FOCAD: variants seen among roughly 807,000 people sequenced by gnomAD.
The protein encoded by FOCAD is KIAA1797.
FOCAD carries 198 observed loss-of-function variants against 225.6 expected under a neutral mutation model. The ratio of observed to expected loss-of-function variants is 0.88; its 90% confidence interval spans 0.78 to 0.99. The LOEUF (loss-of-function observed/expected upper bound fraction) is 0.99. Among genes scored for constraint, FOCAD ranks in the 50% least tolerant of loss-of-function variants. FOCAD has a pLI of 0.00. For missense variants in FOCAD, 2,713 were observed against 2,123.6 expected (o/e 1.28, Z -5.46); for synonymous variants, 897 against 755.0 (o/e 1.19, Z -3.08).
chr9:20,663,247 T>C (rs1563862710), intron 2 of FOCAD, among the ~76,000 whole-genome samples: 3 of 151,940 alleles, frequency 2.0e-5, no homozygotes, highest in Non-Finnish European at 2.9e-5. Context: ...AAAAAATTAG[T>C]CAGACATGGT....
At chr9:20,991,248 C>A (rs755769794) in intron 42 of FOCAD, among the ~76,000 whole-genome samples, 4 of 152,180 alleles carry the variant, frequency 2.6e-5, no homozygotes, top group Non-Finnish European at 5.9e-5. Context: ...ATGTTTCTGA[C>A]CTGTCCTTAA....
intron 2 of FOCAD, among the ~76,000 whole-genome samples, chr9:20,666,494 C>T (rs1189578376): frequency 2.6e-5 from 4 of 152,054 alleles, no homozygotes; most frequent in South Asian, 2.1e-4. Context: ...CAATTGAGCC[C>T]AGGAGGCAGA....
intron 15 of FOCAD, among the ~76,000 whole-genome samples, chr9:20,831,782 G>A (rs1825517125): frequency 6.6e-6 from 1 of 151,962 alleles, no homozygotes; most frequent in Admixed American, 6.6e-5. Context: ...GTTTTGAAAA[G>A]CTTACTAAAA....
intron 22 of FOCAD, among the ~76,000 whole-genome samples, chr9:20,908,481 T>C (rs1488182088): frequency 6.6e-6 from 1 of 152,146 alleles, no homozygotes; most frequent in Non-Finnish European, 1.5e-5. Context: ...GGAATCTCCA[T>C]GTTTTACAAG....
Position 20,981,732 on chromosome 9 carries a change from T to G in FOCAD, c.4638+46T>G, listed in dbSNP as rs1187641655. On this transcript the variant is annotated intron_variant, in intron 38 of 43. Coordinates refer to ENST00000338382, the MANE Select transcript of FOCAD (RefSeq NM_001375567.1). Reference sequence around the variant, plus strand: ...CATTCCTGACAATTTATGTTTGGGATATTTTAAAGGCTTCTTGGCAAAGTG... The same window carrying G: ...CATTCCTGACAATTTATGTTTGGGAGATTTTAAAGGCTTCTTGGCAAAGTG... The G allele has an allele frequency of 1.9e-6, 3 of 1,570,898 alleles. No individual in the cohort carries two copies. The South Asian group carries it at 3.6e-5, about 19-fold the overall frequency.
intron 4 of FOCAD, among the ~76,000 whole-genome samples, chr9:20,733,093 A>C (rs926672403): frequency 6.6e-6 from 1 of 152,160 alleles, no homozygotes; most frequent in African/African-American, 2.4e-5. Flanking sequence ...TGCCCTGATT[A>C]AAGTCTTTAC....
At chr9:20,811,590 A>G (rs976776996) in intron 11 of FOCAD, among the ~76,000 whole-genome samples, 1 of 152,112 alleles carries the variant, frequency 6.6e-6, no homozygotes, top group South Asian at 2.1e-4. Flanking sequence ...ATGTTAGTAT[A>G]TAAATATAAT....
chr9:20,907,334 G>GA lies in FOCAD; in HGVS notation c.2718+96dup, dbSNP rs11435123. 0.28 allele frequency: 275,089 copies of GA among 990,442 alleles called. 40,896 individuals carry two copies. Among genetic ancestry groups the GA allele is most frequent in the Middle Eastern group, 0.34 (1,609 of 4,680 alleles). The allele number at this position is 990,442 out of a possible 1,614,324, so 61.4% of individuals were successfully genotyped here. ...GTGTATTTAATATAAAAGCACTTGG[G>GA]AAAATAGCACTACCAAAAATGTAAT... On this transcript the variant is annotated intron_variant, in intron 22 of 43. Coordinates refer to ENST00000338382, the MANE Select transcript of FOCAD (RefSeq NM_001375567.1).
At chr9:20,753,424 G>C (rs556812384) in intron 5 of FOCAD, among the ~76,000 whole-genome samples, 25 of 151,954 alleles carry the variant, frequency 1.6e-4, no homozygotes, top group Admixed American at 1.4e-3. Context: ...TAATCATGTG[G>C]TTTTTGTCTT....
intron 11 of FOCAD, among the ~76,000 whole-genome samples, chr9:20,799,348 A>T (rs1452946483): frequency 6.6e-6 from 1 of 152,192 alleles, no homozygotes; most frequent in African/African-American, 2.4e-5. Context: ...AGATTTCTGT[A>T]GATGTCTATT....
chr9:20,829,279 A>T (rs958112754), intron 15 of FOCAD, among the ~76,000 whole-genome samples: 1 of 152,076 alleles, frequency 6.6e-6, no homozygotes, highest in African/African-American at 2.4e-5. Flanking sequence ...CTATTTCTCC[A>T]CAACTTTACC....
At chr9:20,986,910 T>G (rs950169198) in intron 40 of FOCAD, among the ~76,000 whole-genome samples, 1 of 152,230 alleles carries the variant, frequency 6.6e-6, no homozygotes, top group Non-Finnish European at 1.5e-5. Context: ...AATCAAATCC[T>G]GCCACCCTGT....
rs1302395983 is a variant in FOCAD, at chr9:20,874,805, C to A, written c.2315C>A (p.Pro772Gln). 1 of 1,613,296 alleles carries A rather than the reference C, an allele frequency of 6.2e-7. No homozygotes were observed. Among genetic ancestry groups the A allele is most frequent in the African/African-American group, 1.3e-5 (1 of 74,856 alleles). Residue 772 changes from proline to glutamine, a missense_variant and splice_region_variant, in exon 19 of 44, where the codon CCA (proline) becomes CAA (glutamine). Physicochemically the swap from Pro to Gln is moderately conservative, Grantham distance 76 (BLOSUM62 -1). Transcript: ENST00000338382. ...TCACTCACTCCCCCTTTGGTTTTACCAGGTGACTCCTATTTGGTAGTAGAG... is the reference window on the plus strand; with the variant it reads ...TCACTCACTCCCCCTTTGGTTTTACAAGGTGACTCCTATTTGGTAGTAGAG... ...LLSLTPPLVL[P>Q]ALEEFFTSLV... is the part of the protein sequence containing the mutation.
chr9:20,877,968 G>C (rs1830367745), intron 19 of FOCAD, among the ~76,000 whole-genome samples: 1 of 152,090 alleles, frequency 6.6e-6, no homozygotes, highest in African/African-American at 2.4e-5. Flanking sequence ...GTCACTCAAA[G>C]AATTGAGATC....
At position 20,758,209 on chromosome 9, in the gene FOCAD, T is replaced by C; in HGVS notation, c.494+18T>C. The C allele has an allele frequency of 2.5e-6, 4 of 1,586,264 alleles. No individual in the cohort carries two copies. In the Admixed American group the frequency reaches 5.2e-5, roughly 21 times the overall value. On this transcript the variant is annotated intron_variant, in intron 6 of 43. Transcript: ENST00000338382. ...CCTGAAAGGTAATGTAAAATAAAAGTGTAAAATAAAGTGAGGGAGACAGAA... is the reference window on the plus strand; with the variant it reads ...CCTGAAAGGTAATGTAAAATAAAAGCGTAAAATAAAGTGAGGGAGACAGAA...
rs1830705537 is a variant in FOCAD, at chr9:20,881,994, C to CTGCTA, written c.2441_2442insTGCTA (p.Asn815AlafsTer6). ...CAAGGAAAGACTGTAGCAGGAATCC[C>CTGCTA]CAATTTTATATTGAAAATGTATGAA... On this transcript the variant is annotated frameshift_variant, in exon 20 of 44. Transcript: ENST00000338382. LOFTEE classifies it high-confidence loss of function. The CTGCTA allele has an allele frequency of 6.2e-7, 1 of 1,613,738 alleles. No homozygotes were observed. The highest frequency in any genetic ancestry group is 8.5e-7 in the Non-Finnish European group (1 of 1,179,884).
At chr9:20,692,871 G>A (rs1428596615) in intron 1 of FOCAD, among the ~76,000 whole-genome samples, 1 of 152,036 alleles carries the variant, frequency 6.6e-6, no homozygotes, top group Non-Finnish European at 1.5e-5. Flanking sequence ...TTTCTGAGGG[G>A]GTGCAGCAAA....
At chr9:20,761,836 G>A (rs1195820987) in intron 6 of FOCAD, among the ~76,000 whole-genome samples, 1 of 152,010 alleles carries the variant, frequency 6.6e-6, no homozygotes, top group East Asian at 1.9e-4. Flanking sequence ...GGTTACATTT[G>A]AAAACATTTT....
At chr9:20,836,732 T>C (rs1826027349) in intron 15 of FOCAD, among the ~76,000 whole-genome samples, 1 of 152,116 alleles carries the variant, frequency 6.6e-6, no homozygotes, top group Non-Finnish European at 1.5e-5. Flanking sequence ...AGTATGGTTT[T>C]TCATTATCAA....
Sources: allele counts gnomAD v4.1 joint callset (sites outside exome capture counted in the v4.1 genomes callset), GRCh38; gene constraint gnomAD v4.1.1; transcripts MANE v1.5; gene names NCBI Gene and HGNC (gene_info 2026-07-23, HGNC 2026-07-21).